ALPL: variants seen among roughly 807,000 people sequenced by gnomAD.
ALPL encodes alkaline phosphatase, biomineralization associated, also known as alkaline phosphatase, tissue-nonspecific isozyme.
In ALPL, 42 loss-of-function variants were observed where a neutral mutation model predicts 51.3. That is an observed-to-expected ratio of 0.82 (90% confidence interval 0.64 to 1.06). The LOEUF (loss-of-function observed/expected upper bound fraction) is 1.06, where lower values mean the gene tolerates loss of function less well. ALPL is among the 50% of genes least tolerant of loss of function. ALPL has a pLI of 0.00. For synonymous variants in ALPL, 279 were observed against 296.4 expected (o/e 0.94, Z 0.60); for missense variants, 589 against 709.4 (o/e 0.83, Z 1.93).
At position 21,522,265 on chromosome 1, in the gene ALPL, A is replaced by G. The variant is rs189330664; in HGVS notation, c.-105+12748A>G. ...TTTTGTTGTATTTTTTAGTAGAGAC[A>G]GGGTTTCACCATGTTAGCCAGGATG... On this transcript the variant is annotated intron_variant, in intron 1 of 11. Coordinates refer to ENST00000374840, the MANE Select transcript of ALPL (RefSeq NM_000478.6). Among the ~76,000 whole-genome samples, 233 of 152,178 alleles carry G rather than the reference A, an allele frequency of 1.5e-3. 1 individual carries two copies. Among genetic ancestry groups the G allele is most frequent in the Admixed American group, 3.8e-3 (58 of 15,278 alleles).
At chr1:21,571,521 A>G (rs1168311342) in intron 8 of ALPL, among the ~76,000 whole-genome samples, 2 of 151,948 alleles carry the variant, frequency 1.3e-5, no homozygotes, top group African/African-American at 4.8e-5. Flanking sequence ...AAATACAAAA[A>G]ATTAGCCTGG....
In ALPL at chr1:21,509,723, G is replaced by C. The variant is rs1643644025; in HGVS notation, c.-105+206G>C. 6.6e-6 allele frequency among the ~76,000 whole-genome samples: 1 copy of C among 152,146 alleles called. No individual in the cohort carries two copies. The highest frequency in any genetic ancestry group is 1.5e-5 in the Non-Finnish European group (1 of 68,024). On this transcript the variant is annotated intron_variant, in intron 1 of 11. Transcript: ENST00000374840. The surrounding 1 kb of genome is among the most constrained non-coding windows in gnomAD (Gnocchi z 6.0). ...CTCCCGCGCATCCCAAGCTCCCGGC[G>C]CGCGCTCTGGGCGGGACAGGAGATT...
At chr1:21,548,664 G>C (rs763444285) in intron 1 of ALPL, among the ~76,000 whole-genome samples, 11 of 152,192 alleles carry the variant, frequency 7.2e-5, no homozygotes, top group Non-Finnish European at 1.0e-4. Context: ...TCAGTGCAGA[G>C]AGAGTGGGAT....
Position 21,568,154 on chromosome 1 carries a change from T to C in ALPL, c.699T>C (p.Asp233=). Residue 233 remains aspartate, a synonymous_variant, in exon 7 of 12, where the codon GAT becomes GAC. Coordinates refer to ENST00000374840, the MANE Select transcript of ALPL (RefSeq NM_000478.6). ...RKYMYPKNKT[D]VEYESDEKAR... is the part of the protein sequence containing the mutation. The stretch of plus-strand genomic sequence containing the variant: ...ACATGTACCCCAAGAATAAAACTGA[T>C]GTGGAGTATGAGAGTGACGAGAAAG... 3 of 1,613,696 alleles carry C rather than the reference T, an allele frequency of 1.9e-6. No individual in the cohort carries two copies. Among genetic ancestry groups the C allele is most frequent in the Admixed American group, 1.7e-5 (1 of 59,978 alleles).
intron 1 of ALPL, among the ~76,000 whole-genome samples, chr1:21,521,191 CT>C (rs201667996): frequency 0.018 from 2,664 of 147,424 alleles, 90 homozygotes; most frequent in African/African-American, 0.061. Context: ...CGTTTAATGA[CT>C]TTTTTTTTTT....
chr1:21,567,871 T>C (rs1445704621), intron 6 of ALPL, among the ~76,000 whole-genome samples: 1 of 152,146 alleles, frequency 6.6e-6, no homozygotes, highest in Non-Finnish European at 1.5e-5. Context: ...AGGTAAGTTA[T>C]CAGCTCCTCC....
rs779322468 is a variant in ALPL at position 21,568,156 on chromosome 1, T to C, written c.701T>C (p.Val234Ala). Residue 234 changes from valine to alanine, a missense_variant, in exon 7 of 12, where the codon GTG becomes GCG. By Grantham distance (64) the Val-to-Ala change is moderately conservative. Transcript: ENST00000374840. ...KYMYPKNKTD[V>A]EYESDEKARG... ...ATGTACCCCAAGAATAAAACTGATG[T>C]GGAGTATGAGAGTGACGAGAAAGCC... The C allele has an allele frequency of 5.0e-6, 8 of 1,613,908 alleles. No homozygotes were observed. The South Asian group carries it at 8.8e-5, about 18-fold the overall frequency.
At chr1:21,516,194 G>T (rs72874253) in intron 1 of ALPL, among the ~76,000 whole-genome samples, 20,180 of 151,972 alleles carry the variant, frequency 0.13, 1,530 homozygotes, top group African/African-American at 0.19. Flanking sequence ...TGGCCTTTTG[G>T]AGGATCTCAT....
At chr1:21,527,456 T>C (rs1643963105) in intron 1 of ALPL, among the ~76,000 whole-genome samples, 1 of 152,222 alleles carries the variant, frequency 6.6e-6, no homozygotes, top group African/African-American at 2.4e-5. Flanking sequence ...ATCATTCCTT[T>C]AAAATTATTT....
intron 1 of ALPL, among the ~76,000 whole-genome samples, chr1:21,522,901 A>G (rs1643898070): frequency 6.6e-6 from 1 of 152,184 alleles, no homozygotes; most frequent in Non-Finnish European, 1.5e-5. Flanking sequence ...AGCAAGTCAG[A>G]TACATTAATC....
intron 9 of ALPL, chr1:21,574,005 G>C: frequency 1.0e-6 from 1 of 985,450 alleles, no homozygotes; most frequent in Non-Finnish European, 1.2e-6. Flanking sequence ...GGAGATGCAA[G>C]TTAGGTTCAG....
chr1:21,558,738 G>T (rs538926506), intron 2 of ALPL, among the ~76,000 whole-genome samples: 86 of 152,296 alleles, frequency 5.6e-4, no homozygotes, highest in Non-Finnish European at 7.2e-4. Flanking sequence ...TTGGGGTGGT[G>T]GTGACGTAAG....
chr1:21,574,003 A>T, intron 9 of ALPL: 1 of 985,392 alleles, frequency 1.0e-6, no homozygotes, highest in Non-Finnish European at 1.2e-6. Context: ...ATGGAGATGC[A>T]AGTTAGGTTC....
chr1:21,509,063 G>C (rs1011070837), upstream of ALPL, among the ~76,000 whole-genome samples: 2 of 152,104 alleles, frequency 1.3e-5, no homozygotes, highest in African/African-American at 4.8e-5. The surrounding 1 kb of genome is among the most constrained non-coding windows in gnomAD (Gnocchi z 6.0). Context: ...AGACGCAGAA[G>C]GAAGATGCCG....
intron 1 of ALPL, among the ~76,000 whole-genome samples, chr1:21,543,020 A>C (rs1426345647): frequency 6.6e-6 from 1 of 151,856 alleles, no homozygotes; most frequent in Non-Finnish European, 1.5e-5. Context: ...CAAATGTGGT[A>C]ATGTGTGCCT....
At position 21,573,773 on chromosome 1, in the gene ALPL, C is replaced by G; in HGVS notation, c.971C>G (p.Pro324Arg). Residue 324 changes from proline (P) to arginine (R), a missense_variant, in exon 9 of 12, where the codon CCC becomes CGC. Pro to Arg is a moderately radical substitution (Grantham distance 103). Transcript: ENST00000374840. ...GCCATCCAGATCCTGCGGAAGAACC[C>G]CAAAGGCTTCTTCTTGCTGGTGGAA... is the stretch of plus-strand genomic sequence containing the variant. ...VVAIQILRKN[P>R]KGFFLLVEGG... 1 of 1,614,174 alleles carries G rather than the reference C, an allele frequency of 6.2e-7. No homozygotes were observed. Among genetic ancestry groups the G allele is most frequent in the East Asian group, 2.2e-5 (1 of 44,876 alleles).
At chr1:21,566,570 C>T (rs900610078) in intron 6 of ALPL, among the ~76,000 whole-genome samples, 7 of 151,924 alleles carry the variant, frequency 4.6e-5, no homozygotes, top group African/African-American at 1.7e-4. Flanking sequence ...GCATTATAGG[C>T]GTGAGCCATC....
At chr1:21,539,656 CTTTTT>C (rs71016920) in intron 1 of ALPL, among the ~76,000 whole-genome samples, 1 of 133,672 alleles carries the variant, frequency 7.5e-6, no homozygotes. Context: ...TTTCTTTTTC[CTTTTT>C]TTTTTTTTTT....
chr1:21,567,909 TC>T (rs1255614368), intron 6 of ALPL, among the ~76,000 whole-genome samples, 194 bp from the exon 7 acceptor site: 1 of 152,020 alleles, frequency 6.6e-6, no homozygotes, highest in East Asian at 1.9e-4. Flanking sequence ...CAAACCACCG[TC>T]CCAATAGACT....
Sources: gnomAD v4.1 joint callset for allele counts (sites outside exome capture counted in the v4.1 genomes callset) on GRCh38, gnomAD v4.1.1 for gene constraint, Gnocchi (gnomAD v3.1) non-coding constraint, MANE v1.5 for transcripts, NCBI Gene and HGNC (gene_info 2026-07-23, HGNC 2026-07-21) for gene names.